The following PLK4 variants were observed in gnomAD, a reference collection of about 807,000 sequenced individuals.
PLK4 encodes the protein serine/threonine-protein kinase PLK4.
A neutral mutation model predicts 103.0 loss-of-function variants in PLK4; 51 were observed. The observed-to-expected ratio is 0.50, with a 90% CI of 0.40 to 0.63. The LOEUF is 0.63. Ranked by LOEUF, PLK4 falls within the 20% of genes least tolerant of loss-of-function variation. The probability of loss-of-function intolerance (pLI) is 0.00; values close to 1 mark genes in which losing one functional copy is unlikely to be tolerated. For synonymous variants in PLK4, 389 were observed against 376.8 expected (o/e 1.03, Z -0.38); for missense variants, 1,054 against 1,151.0 (o/e 0.92, Z 1.22).
rs1735585486 is a variant in PLK4 at position 127,896,848 on chromosome 4, G to T, written c.2751G>T (p.Leu917Phe). The T allele has an allele frequency of 1.2e-6, 2 of 1,612,016 alleles. No homozygotes were observed. Among genetic ancestry groups the T allele is most frequent in the African/African-American group, 2.7e-5 (2 of 74,686 alleles). Reference protein sequence around the residue: ...VWVQFNDGSQLVVQAGVSSIS... With the variant: ...VWVQFNDGSQFVVQAGVSSIS... ...TTCAGTTTAATGATGGGTCCCAGTT[G>T]GTTGTGCAGGCAGGAGTGTCTTCTA... is the stretch of plus-strand genomic sequence containing the variant. Residue 917 changes from leucine to phenylalanine, a missense_variant, in exon 15 of 16, where the codon TTG becomes TTT. By Grantham distance (22) the Leu-to-Phe change is conservative (BLOSUM62 0). This residue lies in a region of PLK4 where 167 missense variants were observed against 200.7 expected (regional missense o/e 0.83). Coordinates refer to ENST00000270861, the MANE Select transcript of PLK4 (RefSeq NM_014264.5).
chr4:127,895,938 AATT>A (rs1735550668), intron 14 of PLK4, among the ~76,000 whole-genome samples: 1 of 152,190 alleles, frequency 6.6e-6, no homozygotes, highest in Non-Finnish European at 1.5e-5. Context: ...AAACTTATAG[AATT>A]TTATGTAGTT....
In PLK4 at chr4:127,892,356, T is replaced by C; in HGVS notation, c.2039-9T>C. 6.5e-7 allele frequency: 1 copy of C among 1,542,738 alleles called. No individual in the cohort carries two copies. Among genetic ancestry groups the C allele is most frequent in the African/African-American group, 1.4e-5 (1 of 71,030 alleles). Reference sequence around the variant, plus strand: ...TTCTTCCCTAATGTTAAGTATTTTTTTTCCTTAGAAAAATACTGGCGAAAA... The same window carrying C: ...TTCTTCCCTAATGTTAAGTATTTTTCTTCCTTAGAAAAATACTGGCGAAAA... On this transcript the variant is annotated splice_polypyrimidine_tract_variant and intron_variant, in intron 9 of 15. Transcript: ENST00000270861.
intron 4 of PLK4, among the ~76,000 whole-genome samples, chr4:127,883,826 T>A (rs1239317581): frequency 6.6e-6 from 1 of 152,212 alleles, no homozygotes; most frequent in African/African-American, 2.4e-5. Flanking sequence ...GTGTATCTTT[T>A]CAAATGTAGT....
chr4:127,898,561 T>A lies in PLK4; in HGVS notation c.*20T>A. The A allele has an allele frequency of 9.1e-7, 1 of 1,104,516 alleles. No individual in the cohort carries two copies. Among genetic ancestry groups the A allele is most frequent in the African/African-American group, 1.6e-5 (1 of 63,578 alleles). The allele number at this position is 1,104,516 out of a possible 1,614,324, so 68.4% of individuals were successfully genotyped here. ...CATTGATTAAAACTCCTTTCAGACA[T>A]ATAAGTTTAATAAATAACTTTTTTG... On this transcript the variant is annotated 3_prime_UTR_variant, in exon 16 of 16. Transcript: ENST00000270861.
intron 10 of PLK4, 193 bp from the exon 11 acceptor site, chr4:127,893,092 T>TA (rs1283257656): frequency 2.3e-6 from 1 of 434,146 alleles, no homozygotes; most frequent in African/African-American, 2.0e-5. Context: ...TTAAACCAGA[T>TA]ATATGTTGGG....
At chr4:127,882,102 G>T (rs571443844) in intron 2 of PLK4, among the ~76,000 whole-genome samples, 176 bp downstream of exon 2, 14 of 152,288 alleles carry the variant, frequency 9.2e-5, no homozygotes, top group South Asian at 4.2e-4. Flanking sequence ...AATATTTTAG[G>T]AAAGCCTTGA....
intron 4 of PLK4, 97 bp from the exon 5 acceptor site, chr4:127,885,611 G>T: frequency 1.1e-6 from 1 of 939,900 alleles, no homozygotes; most frequent in African/African-American, 1.7e-5. Context: ...CAGTGCTCTA[G>T]AATATTTACC....
Position 127,886,100 on chromosome 4 carries a change from C to T in PLK4, c.730C>T (p.Gln244Ter). The T allele has an allele frequency of 6.2e-7, 1 of 1,614,154 alleles. No homozygotes were observed. Among genetic ancestry groups the T allele is most frequent in the Non-Finnish European group, 8.5e-7 (1 of 1,180,016 alleles). Residue 244 changes from glutamine (Q) to a stop codon, truncating the protein, a stop_gained, in exon 5 of 16, where the codon CAG becomes TAG. Transcript: ENST00000270861. LOFTEE classifies it high-confidence loss of function. The stretch of plus-strand genomic sequence containing the variant: ...AATAGAGGCCAAGGACCTTATTCAC[C>T]AGTTACTTCGTAGAAATCCAGCAGA... ...LSIEAKDLIH[Q>*]LLRRNPADRL...
rs1432026841 is a variant in PLK4 at position 127,886,668 on chromosome 4, T to C, written c.1298T>C (p.Phe433Ser). 1.9e-6 allele frequency: 3 copies of C among 1,613,184 alleles called. No individual in the cohort carries two copies. Among genetic ancestry groups the C allele is most frequent in the Non-Finnish European group, 2.5e-6 (3 of 1,179,536 alleles). The change falls in exon 5 of 16, where the codon TTT becomes TCT. Residue 433 changes from phenylalanine (F) to serine (S), a missense_variant. Around this residue, in one of 4 missense-constraint regions of PLK4, gnomAD observed 680 missense variants for 660.3 expected, o/e 1.03. Coordinates refer to ENST00000270861, the MANE Select transcript of PLK4 (RefSeq NM_014264.5). ...TDNNANIFNFFKEKTSSSSGS... is the reference protein window; with the variant it reads ...TDNNANIFNFSKEKTSSSSGS... ...AACAATGCCAACATTTTTAACTTCT[T>C]TAAAGAAAAGACATCCAGTAGTTCT... is the stretch of plus-strand genomic sequence containing the variant.
At chr4:127,884,326 G>A (rs1353659154) in intron 4 of PLK4, among the ~76,000 whole-genome samples, 1 of 152,158 alleles carries the variant, frequency 6.6e-6, no homozygotes, top group Non-Finnish European at 1.5e-5. Flanking sequence ...TTGTACATCT[G>A]AATCTATATA....
At chr4:127,897,109 G>A (rs932411166) in intron 15 of PLK4, among the ~76,000 whole-genome samples, 13 of 152,096 alleles carry the variant, frequency 8.5e-5, no homozygotes, top group Admixed American at 2.6e-4. Flanking sequence ...CAGGGCAATT[G>A]GTATAAATAA....
rs770775672 is a variant in PLK4, at chr4:127,893,572, G to T, written c.2382G>T (p.Arg794Ser). ...TTTCAGAAGAGGAAAGGAAAACTAG[G>T]AGTGCTCCCTTTTTCCCAATAATCA... Reference protein sequence around the residue: ...SIISEEERKTRSAPFFPIIIG... With the variant: ...SIISEEERKTSSAPFFPIIIG... The change falls in exon 12 of 16, where the codon AGG (arginine) becomes AGT (serine). Residue 794 changes from arginine (R) to serine (S), a missense_variant. Coordinates refer to ENST00000270861, the MANE Select transcript of PLK4 (RefSeq NM_014264.5). 1.2e-6 allele frequency: 2 copies of T among 1,612,574 alleles called. No homozygotes were observed. Among genetic ancestry groups the T allele is most frequent in the Admixed American group, 3.3e-5 (2 of 59,944 alleles).
chr4:127,890,413 A>G (rs1560697443), intron 7 of PLK4, among the ~76,000 whole-genome samples, 177 bp downstream of exon 7: 1 of 152,128 alleles, frequency 6.6e-6, no homozygotes, highest in African/African-American at 2.4e-5. Context: ...ATTTCCCTCT[A>G]TCTTCTTAAT....
intron 3 of PLK4, 25 bp downstream of exon 3, chr4:127,883,382 G>T: frequency 2.1e-6 from 3 of 1,453,582 alleles, no homozygotes; most frequent in South Asian, 2.3e-5. Context: ...TTGTAGAAGT[G>T]ACCAAGGACA....
At chr4:127,893,252 T>A (rs763962851) in intron 10 of PLK4, 33 bp from the exon 11 acceptor site, 1 of 1,346,106 alleles carries the variant, frequency 7.4e-7, no homozygotes, top group Admixed American at 2.2e-5. Context: ...TTAAAAAGGA[T>A]AAGAGAACAG....
Position 127,887,558 on chromosome 4 carries a change from A to G in PLK4, c.1459+62A>G. 5 of 943,700 alleles carry G rather than the reference A, an allele frequency of 5.3e-6. No individual in the cohort carries two copies. The South Asian group carries it at 7.1e-5, about 13-fold the overall frequency. The allele number at this position is 943,700 out of a possible 1,614,324, so 58.5% of individuals were successfully genotyped here. A position where few individuals can be genotyped will look rare whatever the true frequency, so the allele number is the denominator to read the frequency against. ...TACTTGGAAACTTACCAAGCATTGC[A>G]GTGTTCTATTTGAGATTTTTAAAGA... On this transcript the variant is annotated intron_variant, in intron 6 of 15. Coordinates refer to ENST00000270861, the MANE Select transcript of PLK4 (RefSeq NM_014264.5).
rs758427794 is a variant in PLK4, at chr4:127,885,848, CAACTG to C, written c.481_485del (p.Leu161AsnfsTer4). ...GATTGCTGATTTTGGGCTGGCAACT[CAACTG>C]AAAATGCCACATGAAAAGCACTATA... is the stretch of plus-strand genomic sequence containing the variant. On this transcript the variant is annotated frameshift_variant, in exon 5 of 16. Transcript: ENST00000270861. LOFTEE classifies it high-confidence loss of function. The C allele has an allele frequency of 1.2e-6, 2 of 1,614,080 alleles. No individual in the cohort carries two copies.
In PLK4 at chr4:127,887,513, G is replaced by C; in HGVS notation, c.1459+17G>C. On this transcript the variant is annotated intron_variant, in intron 6 of 15. Transcript: ENST00000270861. ...AAATAAATGGTGAGTTTTTAATGGA[G>C]TATTTAATCAAGAATTAATTACTTG... 2 of 1,355,982 alleles carry C rather than the reference G, an allele frequency of 1.5e-6. No homozygotes were observed. Among genetic ancestry groups the C allele is most frequent in the Non-Finnish European group, 2.1e-6 (2 of 955,360 alleles). 84.0% of individuals were successfully genotyped at this position (1,355,982 alleles called of 1,614,324 possible).
chr4:127,887,222 C>T (rs1042035080), intron 5 of PLK4, 174 bp from the exon 6 acceptor site: 8 of 516,106 alleles, frequency 1.6e-5, no homozygotes, highest in Admixed American at 3.7e-5. Flanking sequence ...GGCATTTTGG[C>T]ATGGGAGTTT....
Sources: gnomAD v4.1 joint callset for allele counts (sites outside exome capture counted in the v4.1 genomes callset) on GRCh38, gnomAD v4.1.1 for gene constraint, gnomAD v4.1.1 regional missense constraint, MANE v1.5 for transcripts, NCBI Gene and HGNC (gene_info 2026-07-23, HGNC 2026-07-21) for gene names.